The following PALM2AKAP2 variants were observed in gnomAD, a reference collection of about 807,000 sequenced individuals.
The protein encoded by PALM2AKAP2 is PALM2-AKAP2 fusion protein.
A neutral mutation model predicts 71.5 loss-of-function variants in PALM2AKAP2; 37 were observed. That is an observed-to-expected ratio of 0.52 (90% CI 0.40 to 0.68). The LOEUF (loss-of-function observed/expected upper bound fraction) is 0.68. PALM2AKAP2 is among the 30% of genes least tolerant of loss of function. The probability of loss-of-function intolerance (pLI) is 0.00; values close to 1 mark genes in which losing one functional copy is unlikely to be tolerated. For synonymous variants in PALM2AKAP2, 468 were observed against 478.8 expected (o/e 0.98, Z 0.29); for missense variants, 1,224 against 1,191.8 (o/e 1.03, Z -0.40).
At chr9:110,020,935 CTG>C (rs959839841) in intron 7 of PALM2AKAP2, among the ~76,000 whole-genome samples, 14 of 152,044 alleles carry the variant, frequency 9.2e-5, no homozygotes, top group African/African-American at 2.7e-4. Context: ...TGGTGAAACC[CTG>C]TCTCTACTAA....
At chr9:110,140,474 CA>C (rs1329269259) in intron 2 of PALM2AKAP2, among the ~76,000 whole-genome samples, 1 of 152,126 alleles carries the variant, frequency 6.6e-6, no homozygotes, top group African/African-American at 2.4e-5. Context: ...ATTGTTATTG[CA>C]TTGTCACTAG....
intron 1 of PALM2AKAP2, among the ~76,000 whole-genome samples, chr9:110,131,343 T>C (rs1251038423): frequency 6.6e-6 from 1 of 152,214 alleles, no homozygotes. Flanking sequence ...AAAACCCAGT[T>C]TGATGATTCT....
At chr9:110,130,232 A>G (rs1470750831) in intron 1 of PALM2AKAP2, among the ~76,000 whole-genome samples, 9 of 152,202 alleles carry the variant, frequency 5.9e-5, no homozygotes, top group Non-Finnish European at 1.3e-4. Context: ...CTTAATTCTC[A>G]AAACAGATTT....
intron 1 of PALM2AKAP2, among the ~76,000 whole-genome samples, chr9:109,746,740 G>A (rs7862330): frequency 0.26 from 39,825 of 151,988 alleles, 5,443 homozygotes; most frequent in East Asian, 0.37. Context: ...ACAACCCTAT[G>A]AGATAGTCCT....
chr9:110,169,571 C>T (rs1564346125), exon 4 of PALM2AKAP2: 1 of 151,658 alleles, frequency 6.6e-6, no homozygotes, highest in Non-Finnish European at 1.5e-5. Context: ...AAAGAAAAGT[C>T]AGGAAGGTAG....
At chr9:110,116,798 G>C (rs556596110) in intron 1 of PALM2AKAP2, among the ~76,000 whole-genome samples, 2 of 152,290 alleles carry the variant, frequency 1.3e-5, no homozygotes, top group South Asian at 4.1e-4. Context: ...TGTAGAGTGA[G>C]AGTACTCCTA....
chr9:110,013,847 T>G (rs1211688369), intron 6 of PALM2AKAP2, among the ~76,000 whole-genome samples: 2 of 152,240 alleles, frequency 1.3e-5, no homozygotes, highest in East Asian at 3.8e-4. Flanking sequence ...TCACCTTTTG[T>G]TCAGTTGATT....
chr9:109,908,759 C>A (rs1368013299), intron 3 of PALM2AKAP2, among the ~76,000 whole-genome samples: 1 of 151,982 alleles, frequency 6.6e-6, no homozygotes, highest in African/African-American at 2.4e-5. Context: ...TGATTATTCC[C>A]AGTTTGGGCA....
intron 1 of PALM2AKAP2, among the ~76,000 whole-genome samples, chr9:109,851,609 T>G (rs149823618): frequency 4.3e-4 from 65 of 152,242 alleles, no homozygotes; most frequent in African/African-American, 1.6e-3. Flanking sequence ...GCTCCCCACT[T>G]TTGATGCATG....
At chr9:110,024,847 G>A in intron 7 of PALM2AKAP2, 1 of 742,116 alleles carries the variant, frequency 1.3e-6, no homozygotes, top group South Asian at 1.5e-5. Context: ...TAACAGCCCA[G>A]AGGTCTTTTA....
At chr9:109,740,882 G>A (rs914017098) in intron 1 of PALM2AKAP2, among the ~76,000 whole-genome samples, 17 of 152,130 alleles carry the variant, frequency 1.1e-4, no homozygotes, top group African/African-American at 3.9e-4. Flanking sequence ...TCAATCTCTT[G>A]ACCTCGTGAT....
intron 6 of PALM2AKAP2, chr9:109,942,587 A>G: frequency 7.4e-7 from 1 of 1,346,514 alleles, no homozygotes; most frequent in Non-Finnish European, 1.0e-6. Context: ...GTTAGAATAG[A>G]AAGGGCACAA....
chr9:109,936,799 A>G (rs79083174), intron 6 of PALM2AKAP2, among the ~76,000 whole-genome samples: 2,172 of 152,330 alleles, frequency 0.014, 56 homozygotes, highest in African/African-American at 0.05. Flanking sequence ...TTCAGATCCT[A>G]TCTTTCTCCC....
intron 7 of PALM2AKAP2, chr9:110,025,424 A>T (rs1833163175): frequency 1.4e-6 from 1 of 699,468 alleles, no homozygotes; most frequent in Non-Finnish European, 2.5e-6. Flanking sequence ...TTCCTTCACA[A>T]GTTGATGGAT....
intron 1 of PALM2AKAP2, among the ~76,000 whole-genome samples, chr9:110,100,541 A>C (rs1834971838): frequency 6.6e-6 from 1 of 152,132 alleles, no homozygotes; most frequent in African/African-American, 2.4e-5. Flanking sequence ...AGGCCACTGG[A>C]AATGGAAGGC....
At chr9:110,172,114 A>G (rs1836873348) in exon 4 of PALM2AKAP2, 3 of 152,676 alleles carry the variant, frequency 2.0e-5, no homozygotes, top group Non-Finnish European at 4.4e-5. Flanking sequence ...TTGTCTCTGA[A>G]GACAAATAAT....
intron 1 of PALM2AKAP2, among the ~76,000 whole-genome samples, chr9:109,641,613 C>G (rs759781652): frequency 2.0e-5 from 3 of 152,286 alleles, no homozygotes; most frequent in South Asian, 4.2e-4. Flanking sequence ...TGGACACTCT[C>G]TCGAGCTGCT....
At chr9:109,854,836 T>C (rs1409354244) in intron 1 of PALM2AKAP2, among the ~76,000 whole-genome samples, 1 of 124,556 alleles carries the variant, frequency 8.0e-6, no homozygotes, top group Non-Finnish European at 1.6e-5. Context: ...AGTGGCACAA[T>C]CTCGGCTCAC....
At chr9:109,936,018 A>G (rs180909729) in intron 6 of PALM2AKAP2, among the ~76,000 whole-genome samples, 597 of 152,308 alleles carry the variant, frequency 3.9e-3, no homozygotes, top group African/African-American at 0.013. Context: ...TATTTTTGTT[A>G]CTACTGAGGT....
Sources: gnomAD v4.1 joint callset for allele counts (sites outside exome capture counted in the v4.1 genomes callset) on GRCh38, gnomAD v4.1.1 for gene constraint, MANE v1.5 for transcripts, NCBI Gene and HGNC (gene_info 2026-07-23, HGNC 2026-07-21) for gene names.